CACNA1E: variants seen among roughly 807,000 people sequenced by gnomAD.
CACNA1E encodes voltage-dependent R-type calcium channel subunit alpha-1E.
A neutral mutation model predicts 259.2 loss-of-function variants in CACNA1E; 40 were observed. That is an observed-to-expected ratio of 0.15 (90% CI 0.12 to 0.20). CACNA1E has a LOEUF of 0.20. Among genes scored for constraint, CACNA1E ranks in the 10% least tolerant of loss-of-function variants. The pLI is 1.00. For synonymous variants in CACNA1E, 1,104 were observed against 1,138.5 expected (o/e 0.97, Z 0.61); for missense variants, 1,874 against 3,040.1 (o/e 0.62, Z 9.02).
chr1:181,321,451 C>T (rs1359217577), intron 1 of CACNA1E, among the ~76,000 whole-genome samples: 1 of 152,214 alleles, frequency 6.6e-6, no homozygotes, highest in Non-Finnish European at 1.5e-5. Context: ...TTATTGATGC[C>T]TGCTTCTCTC....
intron 3 of CACNA1E, among the ~76,000 whole-genome samples, chr1:181,528,903 A>G (rs536517283): frequency 6.6e-6 from 1 of 152,382 alleles, no homozygotes; most frequent in African/African-American, 2.4e-5. Flanking sequence ...ACAATGCAGT[A>G]GAGAAGAAAA....
At chr1:181,690,337 A>C (rs1054794531) in intron 7 of CACNA1E, among the ~76,000 whole-genome samples, 1 of 151,880 alleles carries the variant, frequency 6.6e-6, no homozygotes, top group African/African-American at 2.4e-5. Context: ...TGGTCTATAT[A>C]TCTGTTTTGG....
At chr1:181,763,222 G>A (rs758637897) in intron 33 of CACNA1E, among the ~76,000 whole-genome samples, 184 bp from the exon 34 acceptor site, 1 of 152,180 alleles carries the variant, frequency 6.6e-6, no homozygotes, top group Non-Finnish European at 1.5e-5. Flanking sequence ...GGGATAGAGA[G>A]CAGGCATGGG....
chr1:181,598,865 T>C (rs1653458515), intron 6 of CACNA1E, among the ~76,000 whole-genome samples: 1 of 152,034 alleles, frequency 6.6e-6, no homozygotes, highest in African/African-American at 2.4e-5. Context: ...TGTGTTCCCT[T>C]CACCATGACT....
At chr1:181,641,524 G>A (rs1210608105) in intron 6 of CACNA1E, among the ~76,000 whole-genome samples, 1 of 152,056 alleles carries the variant, frequency 6.6e-6, no homozygotes, top group Non-Finnish European at 1.5e-5. Context: ...ATGTCTGGGT[G>A]AAAGTAGAGT....
chr1:181,746,025 C>G (rs1195941897), intron 25 of CACNA1E, among the ~76,000 whole-genome samples: 1 of 152,152 alleles, frequency 6.6e-6, no homozygotes, highest in African/African-American at 2.4e-5. Flanking sequence ...AAGGATTATG[C>G]ACCACTTAGC....
rs3845442 is a variant in CACNA1E, at chr1:181,687,756, A to G, written c.1056-23198A>G. 4.8e-3 allele frequency among the ~76,000 whole-genome samples: 732 copies of G among 152,174 alleles called. 8 individuals are homozygous for G. Among genetic ancestry groups the G allele is most frequent in the African/African-American group, 0.017 (707 of 41,520 alleles). ...TGTTACAGATTCCAGGGCATTTTCCATATATATATTTTATTTTTTTTCCTA... is the reference window on the plus strand; with the variant it reads ...TGTTACAGATTCCAGGGCATTTTCCGTATATATATTTTATTTTTTTTCCTA... On this transcript the variant is annotated intron_variant, in intron 7 of 47. Coordinates refer to ENST00000367573, the MANE Select transcript of CACNA1E (RefSeq NM_001205293.3).
intron 7 of CACNA1E, among the ~76,000 whole-genome samples, chr1:181,688,775 A>G (rs1232173994): frequency 6.6e-6 from 1 of 152,154 alleles, no homozygotes; most frequent in African/African-American, 2.4e-5. Context: ...AATTTTTACC[A>G]TTTGGCTAAC....
chr1:181,505,578 G>A (rs1303056494), intron 1 of CACNA1E, among the ~76,000 whole-genome samples: 2 of 152,090 alleles, frequency 1.3e-5, no homozygotes, highest in East Asian at 3.9e-4. Flanking sequence ...GTTTCACCGT[G>A]TTAGCCAGGA....
At chr1:181,497,427 A>G (rs759232842) in intron 1 of CACNA1E, among the ~76,000 whole-genome samples, 2 of 149,722 alleles carry the variant, frequency 1.3e-5, no homozygotes, top group Non-Finnish European at 2.9e-5. Context: ...TCTTTTTATC[A>G]TATAATTTTA....
rs1161024941 is a variant in CACNA1E, at chr1:181,510,490, A to G, written c.280A>G (p.Met94Val). The change falls in exon 2 of 48, where the codon ATG becomes GTG. Residue 94 changes from methionine (M) to valine (V), a missense_variant. By Grantham distance (21) the Met-to-Val change is conservative (BLOSUM62 1). This residue lies in a region of CACNA1E where 55 missense variants were observed against 156.5 expected (regional missense o/e 0.35). Transcript: ENST00000367573. ...CCGCTTTCCCACGCCATTTGAGTAC[A>G]TGATCCTGGCCACCATCATTGCCAA... Reference protein sequence around the residue: ...KLIDWPPFEYMILATIIANCI... With the variant: ...KLIDWPPFEYVILATIIANCI... The G allele has an allele frequency of 1.9e-6, 3 of 1,613,640 alleles. No individual in the cohort carries two copies. The highest frequency in any genetic ancestry group is 2.5e-6 in the Non-Finnish European group (3 of 1,179,572).
intron 43 of CACNA1E, among the ~76,000 whole-genome samples, chr1:181,786,384 A>T (rs554513340): frequency 6.6e-6 from 1 of 152,228 alleles, no homozygotes; most frequent in Non-Finnish European, 1.5e-5. Context: ...AACTGAGGTT[A>T]ACTACGTTGC....
chr1:181,432,573 C>A (rs958800500), intron 2 of CACNA1E, among the ~76,000 whole-genome samples: 1 of 152,112 alleles, frequency 6.6e-6, no homozygotes, highest in Non-Finnish European at 1.5e-5. Context: ...AAAATAACAT[C>A]AATTTTCCAC....
intron 1 of CACNA1E, among the ~76,000 whole-genome samples, chr1:181,499,881 A>G (rs575663983): frequency 1.3e-5 from 2 of 152,318 alleles, no homozygotes; most frequent in South Asian, 4.1e-4. Flanking sequence ...TACTTTGATT[A>G]CGTCTTGGCT....
At position 181,551,345 on chromosome 1, in the gene CACNA1E, A is replaced by G. The variant is rs1443859700; in HGVS notation, c.513-26421A>G. 7.2e-5 allele frequency among the ~76,000 whole-genome samples: 11 copies of G among 152,154 alleles called. No homozygotes were observed. In the East Asian group the frequency reaches 7.7e-4, roughly 11 times the overall value. ...TAGGCAGTCAGACTCAGTGGTTGCC[A>G]TGGTGATGGTGGGTGGTTGGTGGGG... is the stretch of plus-strand genomic sequence containing the variant. On this transcript the variant is annotated intron_variant, in intron 3 of 47. Coordinates refer to ENST00000367573, the MANE Select transcript of CACNA1E (RefSeq NM_001205293.3).
chr1:181,370,794 G>A (rs1654638529), intron 1 of CACNA1E, among the ~76,000 whole-genome samples: 1 of 152,162 alleles, frequency 6.6e-6, no homozygotes, highest in African/African-American at 2.4e-5. Context: ...TATATGCCCA[G>A]TAGTGGGATT....
rs557767577 is a variant in CACNA1E at position 181,623,279 on chromosome 1, C to A, written c.952-28059C>A. Among the ~76,000 whole-genome samples the A allele has an allele frequency of 3.3e-5, 5 of 152,016 alleles. No individual in the cohort carries two copies. The South Asian group carries it at 6.2e-4, about 19-fold the overall frequency. ...CTTATTTGGTATGTATTATAGTGTA[C>A]CTTAAAATCTTTAATGTACACATAT... is the stretch of plus-strand genomic sequence containing the variant. On this transcript the variant is annotated intron_variant, in intron 6 of 47. Transcript: ENST00000367573.
intron 1 of CACNA1E, among the ~76,000 whole-genome samples, chr1:181,385,498 T>C (rs1321039449): frequency 6.6e-6 from 1 of 152,242 alleles, no homozygotes; most frequent in African/African-American, 2.4e-5. Flanking sequence ...GGGATGGGGA[T>C]ATTCAAGGAA....
At chr1:181,779,490 C>T (rs759132350) in intron 38 of CACNA1E, 37 of 455,338 alleles carry the variant, frequency 8.1e-5, no homozygotes, top group African/African-American at 4.0e-4. Context: ...CGGGTGATCT[C>T]GCCTCCTCTG....
Sources: gnomAD v4.1 joint callset for allele counts (sites outside exome capture counted in the v4.1 genomes callset) on GRCh38, gnomAD v4.1.1 for gene constraint, gnomAD v4.1.1 regional missense constraint, MANE v1.5 for transcripts, NCBI Gene and HGNC (gene_info 2026-07-23, HGNC 2026-07-21) for gene names.